The following CSMD1 variants were observed in gnomAD, a reference collection of about 807,000 sequenced individuals.
The protein encoded by CSMD1 is CUB and Sushi multiple domains 1, also known as CUB and sushi domain-containing protein 1.
Under a neutral mutation model 417.5 loss-of-function variants are expected in CSMD1, and 213 were observed. The ratio of observed to expected loss-of-function variants is 0.51; its 90% confidence interval spans 0.46 to 0.57. CSMD1 has a LOEUF of 0.57. CSMD1 is among the 20% of genes least tolerant of loss of function. The pLI, the probability that CSMD1 is intolerant of heterozygous loss-of-function variation, is 0.00. For missense variants in CSMD1, 6,923 were observed against 4,529.7 expected (o/e 1.53, Z -15.17); for synonymous variants, 2,862 against 1,736.8 (o/e 1.65, Z -16.11).
intron 2 of CSMD1, among the ~76,000 whole-genome samples, chr8:4,511,981 TTC>T (rs1490323156): frequency 6.6e-6 from 1 of 152,062 alleles, no homozygotes; most frequent in Non-Finnish European, 1.5e-5. Flanking sequence ...GACAGAGGCA[TTC>T]CAAAAAAAGA....
At chr8:4,755,963 A>G (rs1007958169) in intron 1 of CSMD1, among the ~76,000 whole-genome samples, 4 of 152,210 alleles carry the variant, frequency 2.6e-5, no homozygotes, top group African/African-American at 4.8e-5. Context: ...TGTATTATTA[A>G]CAAAATCAAA....
At chr8:3,457,198 C>A (rs1305033187) in intron 12 of CSMD1, among the ~76,000 whole-genome samples, 1 of 151,908 alleles carries the variant, frequency 6.6e-6, no homozygotes, top group Non-Finnish European at 1.5e-5. Context: ...GGACTCCTAA[C>A]CTGGACCCCC....
chr8:4,874,432 C>CA (rs1432523175), intron 1 of CSMD1, among the ~76,000 whole-genome samples: 1 of 148,928 alleles, frequency 6.7e-6, no homozygotes, highest in Non-Finnish European at 1.5e-5. Context: ...CTCTGTCACC[C>CA]AGGCTGGCAT....
chr8:2,998,061 G>C lies in CSMD1; in HGVS notation c.8327C>G (p.Ala2776Gly). The C allele has an allele frequency of 6.2e-7, 1 of 1,613,986 alleles. No individual in the cohort carries two copies. The change falls in exon 54 of 70, where the codon GCC becomes GGC. Residue 2776 changes from alanine (A) to glycine (G), a missense_variant. By Grantham distance (60) the Ala-to-Gly change is moderately conservative (BLOSUM62 0). Transcript: ENST00000635120. ...CCACTGGCCGTTGCTCCGACACTGGGCTCGAGACACGCCCTGCAGCAAATA... is the reference window on the plus strand; with the variant it reads ...CCACTGGCCGTTGCTCCGACACTGGCCTCGAGACACGCCCTGCAGCAAATA... The part of the protein sequence containing the change: ...TGYLLQGVSR[A>G]QCRSNGQWSS...
At chr8:3,925,160 T>G (rs560564834) in intron 5 of CSMD1, among the ~76,000 whole-genome samples, 1 of 152,184 alleles carries the variant, frequency 6.6e-6, no homozygotes, top group Non-Finnish European at 1.5e-5. Context: ...TCCCAAATCC[T>G]GACCCATAGA....
intron 1 of CSMD1, among the ~76,000 whole-genome samples, chr8:4,792,919 G>C (rs1431524180): frequency 1.3e-5 from 2 of 151,684 alleles, no homozygotes; most frequent in Non-Finnish European, 2.9e-5. Context: ...ATAGAGTTCA[G>C]TATGATTAAA....
chr8:3,245,349 C>G (rs966392318), intron 26 of CSMD1, among the ~76,000 whole-genome samples: 2 of 152,234 alleles, frequency 1.3e-5, no homozygotes, highest in African/African-American at 4.8e-5. Context: ...ATTTGCAAAA[C>G]AAAAGTGAGA....
chr8:4,938,964 C>T (rs113806693), intron 1 of CSMD1, among the ~76,000 whole-genome samples: 2,201 of 152,068 alleles, frequency 0.014, 46 homozygotes, highest in African/African-American at 0.049. Context: ...TTATTCTAGT[C>T]CTTTGTCCAT....
rs1324977838 is a variant in CSMD1, at chr8:3,182,806, G to A, written c.5621-1592C>T. On this transcript the variant is annotated intron_variant, in intron 36 of 69. Coordinates refer to ENST00000635120, the MANE Select transcript of CSMD1 (RefSeq NM_033225.6). The stretch of plus-strand genomic sequence containing the variant: ...GTGGTTTCACCGTGTTAGCCAGGAT[G>A]GTCTCGGGGGACTCTGGCTGTCTCT... Among the ~76,000 whole-genome samples the A allele has an allele frequency of 5.8e-5, 6 of 103,756 alleles. No individual in the cohort carries two copies. In the East Asian group the frequency reaches 1.7e-3, roughly 30 times the overall value. The allele number at this position is 103,756 out of a possible 152,430, so 68.1% of individuals were successfully genotyped here.
chr8:3,758,167 T>C (rs1216224907), intron 5 of CSMD1, among the ~76,000 whole-genome samples: 8 of 152,114 alleles, frequency 5.3e-5, no homozygotes, highest in Non-Finnish European at 1.0e-4. Flanking sequence ...TTTCACCATT[T>C]TGGCCAGGCT....
chr8:4,809,679 A>C, intron 1 of CSMD1, among the ~76,000 whole-genome samples: 1 of 152,242 alleles, frequency 6.6e-6, no homozygotes, highest in East Asian at 1.9e-4. Context: ...TAAAAAGGCT[A>C]AAACTGAGTT....
At chr8:3,288,454 C>T (rs1335001722) in intron 25 of CSMD1, among the ~76,000 whole-genome samples, 1 of 146,952 alleles carries the variant, frequency 6.8e-6, no homozygotes, top group Non-Finnish European at 1.5e-5. Flanking sequence ...TGGTAAGCTA[C>T]TGATTATTGC....
chr8:4,156,402 C>T (rs776651955), intron 3 of CSMD1, among the ~76,000 whole-genome samples: 3 of 152,166 alleles, frequency 2.0e-5, no homozygotes, highest in South Asian at 2.1e-4. Flanking sequence ...CATAAAATTT[C>T]TCAATGAGTC....
rs868605815 is a variant in CSMD1, at chr8:4,415,468, A to C, written c.415+4485T>G. Among the ~76,000 whole-genome samples, 35 of 150,858 alleles carry C rather than the reference A, an allele frequency of 2.3e-4. No individual in the cohort carries two copies. In the South Asian group the frequency reaches 6.8e-3, roughly 29 times the overall value. Reference sequence around the variant, plus strand: ...GCTCTTCAGGTCGTGGCCTGAGCCCACTCTGTGATGGCCTCTACATGGCCC... The same window carrying C: ...GCTCTTCAGGTCGTGGCCTGAGCCCCCTCTGTGATGGCCTCTACATGGCCC... On this transcript the variant is annotated intron_variant, in intron 3 of 69. Coordinates refer to ENST00000635120, the MANE Select transcript of CSMD1 (RefSeq NM_033225.6).
intron 1 of CSMD1, among the ~76,000 whole-genome samples, chr8:4,945,989 A>G (rs1808344093): frequency 6.6e-6 from 1 of 152,180 alleles, no homozygotes; most frequent in African/African-American, 2.4e-5. Flanking sequence ...AAGACACGGT[A>G]GAGACCTGTA....
intron 3 of CSMD1, among the ~76,000 whole-genome samples, chr8:4,140,029 G>C (rs1393973494): frequency 6.6e-6 from 1 of 150,908 alleles, no homozygotes; most frequent in African/African-American, 2.5e-5. Context: ...CAATTTGCCT[G>C]GAAGGATAGA....
intron 26 of CSMD1, among the ~76,000 whole-genome samples, chr8:3,270,299 G>A (rs761812829): frequency 1.9e-4 from 29 of 151,968 alleles, no homozygotes; most frequent in East Asian, 1.6e-3. Flanking sequence ...CTTGTGATCC[G>A]TCTGCCTTGG....
chr8:3,508,628 G>A (rs975122444), intron 10 of CSMD1, among the ~76,000 whole-genome samples: 1 of 152,096 alleles, frequency 6.6e-6, no homozygotes, highest in Non-Finnish European at 1.5e-5. Flanking sequence ...TAAAATCACT[G>A]ATTTATTCAA....
intron 1 of CSMD1, among the ~76,000 whole-genome samples, chr8:4,649,199 T>A (rs80102339): frequency 1.3e-5 from 2 of 152,176 alleles, no homozygotes; most frequent in East Asian, 3.9e-4. Flanking sequence ...ATCTACTGAC[T>A]GCTATATTCC....
Sources: allele counts gnomAD v4.1 joint callset (sites outside exome capture counted in the v4.1 genomes callset), GRCh38; gene constraint gnomAD v4.1.1; transcripts MANE v1.5; gene names NCBI Gene and HGNC (gene_info 2026-07-23, HGNC 2026-07-21).